Variants in VWF observed in about 807,000 individuals in gnomAD.
VWF encodes von Willebrand factor, also known as Factor VIII related antigen.
In VWF, 176 loss-of-function variants were observed where a neutral mutation model predicts 308.6. The observed-to-expected ratio is 0.57, with a 90% CI of 0.50 to 0.65. VWF has a LOEUF of 0.65. Among genes scored for constraint, VWF ranks in the 30% least tolerant of loss-of-function variants. VWF has a pLI of 0.00. For missense variants in VWF, 3,146 were observed against 3,648.2 expected, an observed-to-expected ratio of 0.86 and a Z score of 3.55; for synonymous variants, 1,385 against 1,443.4, an observed-to-expected ratio of 0.96 and a Z score of 0.92.
chr12:5,973,381 C>T (rs1020766789), intron 43 of VWF, among the ~76,000 whole-genome samples: 4 of 152,196 alleles, frequency 2.6e-5, no homozygotes, highest in African/African-American at 9.7e-5. Flanking sequence ...AAAACATATG[C>T]ACTGAAAAAT....
intron 18 of VWF, among the ~76,000 whole-genome samples, chr12:6,037,732 G>A (rs1944353799): frequency 6.6e-6 from 1 of 152,114 alleles, no homozygotes; most frequent in Non-Finnish European, 1.5e-5. Context: ...TCCCTGCAGG[G>A]CGAGAAGCTC....
At position 5,971,646 on chromosome 12, in the gene VWF, C is replaced by T. The variant is rs777584185; in HGVS notation, c.7501G>A (p.Val2501Met). Residue 2501 changes from valine to methionine, a missense_variant, in exon 44 of 52, where the codon GTG becomes ATG. By Grantham distance (21) the Val-to-Met change is conservative (BLOSUM62 1). This residue lies in a region of VWF where 989 missense variants were observed against 1,117.4 expected (regional missense o/e 0.89). Transcript: ENST00000261405. The part of the protein sequence containing the change: ...CGRCLPSACE[V>M]VTGSPRGDSQ... ...TCCCCCCGCGGTGAGCCAGTCACCA[C>T]CTCACAGGCAGATGGCAGGCACCTT... 1.3e-5 allele frequency: 21 copies of T among 1,614,098 alleles called. No homozygotes were observed. Among genetic ancestry groups the T allele is most frequent in the Non-Finnish European group, 1.8e-5 (21 of 1,180,050 alleles).
chr12:6,019,656 G>A lies in VWF; in HGVS notation c.3762C>T (p.Pro1254=), dbSNP rs748462325. The A allele has an allele frequency of 1.9e-6, 3 of 1,613,880 alleles. No individual in the cohort carries two copies. Among genetic ancestry groups the A allele is most frequent in the Non-Finnish European group, 2.5e-6 (3 of 1,179,858 alleles). The change falls in exon 28 of 52, where the codon CCC becomes CCT. Residue 1254 remains proline (P), a synonymous_variant. Transcript: ENST00000261405. This position sits in a 1 kb window ranked among gnomAD's most constrained non-coding sequence, Gnocchi z 5.8. ...AGATGTCCTCCACATACAGAGTGGT[G>A]GGGCTCACCGGGGCATCTGTGGGAG... The part of the protein sequence containing the change: ...VVPPTDAPVS[P]TTLYVEDISE...
At chr12:5,973,359 C>G (rs1286528413) in intron 43 of VWF, among the ~76,000 whole-genome samples, 1 of 152,188 alleles carries the variant, frequency 6.6e-6, no homozygotes, top group Non-Finnish European at 1.5e-5. Context: ...GGTCTACTAG[C>G]CACCCAACCT....
chr12:6,062,965 G>T lies in VWF; in HGVS notation c.1522C>A (p.Leu508Met). ...GTGAGGGCACCTACCTTCACCAGCA[G>T]CCTCCCGCGGCCATCCCAGTCCATC... ...LQMDWDGRGR[L>M]LVKLSPVYAG... Residue 508 changes from leucine (L) to methionine (M), a missense_variant, in exon 13 of 52, where the codon CTG becomes ATG. By Grantham distance (15) the Leu-to-Met change is conservative. Transcript: ENST00000261405. The T allele has an allele frequency of 6.2e-7, 1 of 1,612,646 alleles. No homozygotes were observed.
chr12:6,044,368 T>C lies in VWF; in HGVS notation c.2365A>G (p.Thr789Ala), dbSNP rs1063856. The change falls in exon 18 of 52, where the codon ACC (threonine) becomes GCC (alanine). Residue 789 changes from threonine (T) to alanine (A), a missense_variant. Physicochemically the swap from Thr to Ala is moderately conservative, Grantham distance 58. This residue lies in a region of VWF where 1,304 missense variants were observed against 1,353.0 expected (regional missense o/e 0.96). Coordinates refer to ENST00000261405, the MANE Select transcript of VWF (RefSeq NM_000552.5). ...DNLRAEGLEC[T>A]KTCQNYDLEC... is the part of the protein sequence containing the mutation. ...AGGTCATAGTTCTGGCACGTTTTGGTACACTCGAGCCCTTCAGCCCGCAGG... is the reference window on the plus strand; with the variant it reads ...AGGTCATAGTTCTGGCACGTTTTGGCACACTCGAGCCCTTCAGCCCGCAGG... 0.36 allele frequency: 574,187 copies of C among 1,613,858 alleles called. 107,997 individuals carry two copies. The highest frequency in any genetic ancestry group is 0.58 in the African/African-American group (43,409 of 74,928).
chr12:6,092,614 T>TGAGTGAGAGAGA (rs71064187), intron 6 of VWF, among the ~76,000 whole-genome samples: 5,250 of 85,710 alleles, frequency 0.061, 250 homozygotes, highest in East Asian at 0.11. Flanking sequence ...AGTGAGTGAG[T>TGAGTGAGAGAGA]GAGAGTGTGT....
intron 47 of VWF, among the ~76,000 whole-genome samples, chr12:5,960,756 A>T: frequency 6.6e-6 from 1 of 152,250 alleles, no homozygotes; most frequent in Non-Finnish European, 1.5e-5. Context: ...TAAAATATAC[A>T]GCAAAACTGT....
Position 5,967,620 on chromosome 12 carries a change from A to G in VWF, c.7771-18T>C, listed in dbSNP as rs1943419156. ...TTCCCGGGCTGGAAGCAGAGGCACC[A>G]GGGTCAGGCCCCCCAGCATCCCCCA... On this transcript the variant is annotated intron_variant, in intron 46 of 51. Coordinates refer to ENST00000261405, the MANE Select transcript of VWF (RefSeq NM_000552.5). The G allele has an allele frequency of 6.2e-7, 1 of 1,610,206 alleles. No individual in the cohort carries two copies. Among genetic ancestry groups the G allele is most frequent in the Non-Finnish European group, 8.5e-7 (1 of 1,178,120 alleles).
chr12:6,121,154 C>T lies in VWF; in HGVS notation c.220+20G>A. ...GCCAGCCCTCCCTCTGAAGTCCTCC[C>T]TGCAGTGCCCAGAACTCACCAATAA... is the stretch of plus-strand genomic sequence containing the variant. On this transcript the variant is annotated intron_variant, in intron 3 of 51. Coordinates refer to ENST00000261405, the MANE Select transcript of VWF (RefSeq NM_000552.5). 1 of 1,614,074 alleles carries T rather than the reference C, an allele frequency of 6.2e-7. No homozygotes were observed. Among genetic ancestry groups the T allele is most frequent in the Non-Finnish European group, 8.5e-7 (1 of 1,179,996 alleles).
intron 11 of VWF, 133 bp from the exon 12 acceptor site, chr12:6,064,517 T>A: frequency 7.3e-7 from 1 of 1,378,076 alleles, no homozygotes; most frequent in Non-Finnish European, 1.0e-6. Flanking sequence ...AACTCCATTC[T>A]CCCAGAATAC....
At position 6,111,861 on chromosome 12, in the gene VWF, G is replaced by A. The variant is rs376212255; in HGVS notation, c.221-893C>T. ...TGGTCCCAGTTCTTTGGGAGGCTGA[G>A]GCAGAAGAACGGCGTGAACCCAGGA... On this transcript the variant is annotated intron_variant, in intron 3 of 51. Coordinates refer to ENST00000261405, the MANE Select transcript of VWF (RefSeq NM_000552.5). 2.2e-3 allele frequency among the ~76,000 whole-genome samples: 326 copies of A among 150,362 alleles called. 3 individuals are homozygous for A. Among genetic ancestry groups the A allele is most frequent in the African/African-American group, 7.4e-3 (292 of 39,718 alleles).
chr12:5,985,857 G>T (rs1279193004), intron 38 of VWF, among the ~76,000 whole-genome samples, 192 bp from the exon 39 acceptor site: 1 of 152,252 alleles, frequency 6.6e-6, no homozygotes, highest in Non-Finnish European at 1.5e-5. Flanking sequence ...AAAGGTGGTT[G>T]CCACATTGCT....
At chr12:5,963,856 G>C (rs1031157368) in intron 47 of VWF, among the ~76,000 whole-genome samples, 1 of 152,016 alleles carries the variant, frequency 6.6e-6, no homozygotes, top group African/African-American at 2.4e-5. Context: ...AGAAAAACAG[G>C]GCTGGCAACT....
chr12:6,011,739 T>C lies in VWF; in HGVS notation c.5720A>G (p.Asp1907Gly). ...ATGACTCTTCAGCAAGGTCTGGCCA[T>C]CTGGCTGGCAAGTCACGGTGTGGCA... ...DQCHTVTCQP[D>G]GQTLLKSHRV... Residue 1907 changes from aspartate (D) to glycine (G), a missense_variant, in exon 34 of 52, where the codon GAT becomes GGT. Physicochemically the swap from Asp to Gly is moderately conservative, Grantham distance 94. Coordinates refer to ENST00000261405, the MANE Select transcript of VWF (RefSeq NM_000552.5). 6.2e-7 allele frequency: 1 copy of C among 1,613,722 alleles called. No homozygotes were observed. The highest frequency in any genetic ancestry group is 1.3e-5 in the African/African-American group (1 of 74,964).
intron 47 of VWF, among the ~76,000 whole-genome samples, chr12:5,967,246 T>C (rs2136353945): frequency 6.6e-6 from 1 of 152,336 alleles, no homozygotes; most frequent in Non-Finnish European, 1.5e-5. Flanking sequence ...GCAAATACTG[T>C]GTTTATTCTG....
At chr12:6,038,363 G>A (rs1327516281) in intron 18 of VWF, among the ~76,000 whole-genome samples, 2 of 152,218 alleles carry the variant, frequency 1.3e-5, no homozygotes, top group African/African-American at 4.8e-5. Context: ...GGACAGAAGT[G>A]CAGGGACGGA....
chr12:5,982,424 A>C (rs1943617282), intron 41 of VWF, among the ~76,000 whole-genome samples: 1 of 152,146 alleles, frequency 6.6e-6, no homozygotes, highest in Non-Finnish European at 1.5e-5. Context: ...AATACCCTAC[A>C]CTTTAGGTCC....
At chr12:6,030,616 T>C (rs1944250652) in intron 21 of VWF, among the ~76,000 whole-genome samples, 1 of 152,212 alleles carries the variant, frequency 6.6e-6, no homozygotes, top group East Asian at 1.9e-4. Flanking sequence ...AATCTCAGCA[T>C]GGAGTTCTAG....
Sources: allele counts gnomAD v4.1 joint callset (sites outside exome capture counted in the v4.1 genomes callset), GRCh38; gene constraint gnomAD v4.1.1; regional missense constraint gnomAD v4.1.1; non-coding constraint Gnocchi (gnomAD v3.1); transcripts MANE v1.5; gene names NCBI Gene and HGNC (gene_info 2026-07-23, HGNC 2026-07-21).